GABRG3: variants seen among roughly 807,000 people sequenced by gnomAD.
GABRG3 encodes gamma-aminobutyric acid receptor subunit gamma-3.
A neutral mutation model predicts 48.8 loss-of-function variants in GABRG3; 25 were observed. The observed-to-expected ratio is 0.51, with a 90% CI of 0.37 to 0.72. The LOEUF (loss-of-function observed/expected upper bound fraction) is 0.72, where lower values mean the gene tolerates loss of function less well. Ranked by LOEUF, GABRG3 falls within the 30% of genes least tolerant of loss-of-function variation. The pLI is 0.00. For missense variants in GABRG3, 394 were observed against 577.9 expected, an observed-to-expected ratio of 0.68 and a Z score of 3.26; for synonymous variants, 227 against 217.6, an observed-to-expected ratio of 1.04 and a Z score of -0.38.
rs146974464 is a variant in GABRG3 at position 27,269,612 on chromosome 15, A to C, written c.271-57197A>C. 1.7e-4 allele frequency among the ~76,000 whole-genome samples: 26 copies of C among 152,312 alleles called. No homozygotes were observed. In the East Asian group the frequency reaches 3.9e-3, roughly 23 times the overall value. The stretch of plus-strand genomic sequence containing the variant: ...AATTTTCACACATCTATGTGACTAC[A>C]AGACTCTAAAGCCCTTGAAAGCAAA... On this transcript the variant is annotated intron_variant, in intron 3 of 9. Transcript: ENST00000615808.
intron 6 of GABRG3, among the ~76,000 whole-genome samples, chr15:27,488,562 A>T (rs1375111325): frequency 6.6e-6 from 1 of 152,172 alleles, no homozygotes; most frequent in African/African-American, 2.4e-5. Context: ...GCAGACAGCA[A>T]TCATTGTCTG....
intron 3 of GABRG3, among the ~76,000 whole-genome samples, chr15:27,126,891 C>T (rs1897830905): frequency 6.6e-6 from 1 of 152,120 alleles, no homozygotes. Flanking sequence ...AGGTGGAGGA[C>T]ATGGTGACCC....
chr15:27,241,971 A>G (rs751915298), intron 3 of GABRG3, among the ~76,000 whole-genome samples: 1 of 152,218 alleles, frequency 6.6e-6, no homozygotes, highest in Non-Finnish European at 1.5e-5. Flanking sequence ...TTAACCATAC[A>G]AGTGGTTATT....
chr15:27,300,992 T>C (rs1023635880), intron 3 of GABRG3, among the ~76,000 whole-genome samples: 1 of 151,800 alleles, frequency 6.6e-6, no homozygotes. Context: ...AAACAAAAAC[T>C]TGTAGGATAA....
chr15:27,067,910 A>T (rs1233521923), intron 3 of GABRG3, among the ~76,000 whole-genome samples: 1 of 152,240 alleles, frequency 6.6e-6, no homozygotes, highest in East Asian at 1.9e-4. Flanking sequence ...GGGAAGCTGC[A>T]TCATACTTTG....
At chr15:27,475,782 G>GTGGTGGTGA (rs1267882746) in intron 5 of GABRG3, among the ~76,000 whole-genome samples, 41 of 151,970 alleles carry the variant, frequency 2.7e-4, no homozygotes, top group African/African-American at 8.9e-4. Context: ...AGTAATGGTG[G>GTGGTGGTGA]TGGTGGTGAT....
intron 5 of GABRG3, among the ~76,000 whole-genome samples, chr15:27,445,251 T>C (rs547978330): frequency 2.6e-5 from 4 of 152,348 alleles, no homozygotes; most frequent in African/African-American, 4.8e-5. Flanking sequence ...AGTATCTCCT[T>C]GCTTAATCTC....
intron 5 of GABRG3, among the ~76,000 whole-genome samples, chr15:27,393,711 A>G (rs1401829255): frequency 6.6e-6 from 1 of 152,134 alleles, no homozygotes; most frequent in Admixed American, 6.5e-5. Flanking sequence ...TGAAGCTGCA[A>G]TTCATTCTTG....
chr15:27,225,111 A>G (rs905524531), intron 3 of GABRG3, among the ~76,000 whole-genome samples: 1 of 152,188 alleles, frequency 6.6e-6, no homozygotes, highest in Admixed American at 6.5e-5. Context: ...GTGATTAATC[A>G]TCAAATGATT....
At chr15:26,977,249 T>C in intron 2 of GABRG3, 99 bp downstream of exon 2, 2 of 1,292,718 alleles carry the variant, frequency 1.5e-6, no homozygotes, top group East Asian at 2.3e-5. Context: ...ATTGCAAAGA[T>C]AGTGCAGAAA....
chr15:27,396,413 T>A (rs1464679853), intron 5 of GABRG3, among the ~76,000 whole-genome samples: 3 of 152,170 alleles, frequency 2.0e-5, no homozygotes, highest in Non-Finnish European at 4.4e-5. Context: ...ATGCTCAACA[T>A]AATCATTAGA....
intron 6 of GABRG3, among the ~76,000 whole-genome samples, chr15:27,486,306 C>A (rs1406120915): frequency 1.3e-5 from 2 of 152,066 alleles, no homozygotes; most frequent in Non-Finnish European, 2.9e-5. Context: ...AATAGGCTTC[C>A]CCAGAGACTA....
intron 3 of GABRG3, among the ~76,000 whole-genome samples, chr15:27,050,069 G>A (rs559591769): frequency 3.3e-5 from 5 of 152,252 alleles, no homozygotes; most frequent in African/African-American, 1.2e-4. Context: ...CAGCTTTTTG[G>A]TAGAGGAAGA....
At chr15:27,469,405 A>G (rs1224240855) in intron 5 of GABRG3, among the ~76,000 whole-genome samples, 1 of 152,140 alleles carries the variant, frequency 6.6e-6, no homozygotes, top group Non-Finnish European at 1.5e-5. Flanking sequence ...CAGTGGCACA[A>G]TCTCGGCTCT....
rs1888975221 is a variant in GABRG3, at chr15:27,447,415, G to GA, written c.575-33230dup. ...GGGGAGTCACTGAGGATTTTAGTCA[G>GA]AAAAATTGTATAATTAGGGTTTCTT... is the stretch of plus-strand genomic sequence containing the variant. On this transcript the variant is annotated intron_variant, in intron 5 of 9. Transcript: ENST00000615808. The surrounding 1 kb of genome is among the most constrained non-coding windows in gnomAD (Gnocchi z 4.0). Among the ~76,000 whole-genome samples, 3 of 152,132 alleles carry GA rather than the reference G, an allele frequency of 2.0e-5. No individual in the cohort carries two copies. The highest frequency in any genetic ancestry group is 1.3e-4 in the Admixed American group (2 of 15,276).
chr15:27,218,363 A>G lies in GABRG3; in HGVS notation c.271-108446A>G, dbSNP rs140090674. 9.6e-3 allele frequency among the ~76,000 whole-genome samples: 1,459 copies of G among 152,142 alleles called. 17 individuals carry two copies. The highest frequency in any genetic ancestry group is 0.013 in the Non-Finnish European group (910 of 67,996). ...TAAGAGGGGTTTTATGGCAATCCTC[A>G]TTTCTCAGAATTTTATGCTCTTATT... On this transcript the variant is annotated intron_variant, in intron 3 of 9. Transcript: ENST00000615808.
intron 7 of GABRG3, among the ~76,000 whole-genome samples, chr15:27,526,871 A>C (rs1429565246): frequency 6.6e-6 from 1 of 152,206 alleles, no homozygotes; most frequent in African/African-American, 2.4e-5. Context: ...AAGACCACAC[A>C]ATCTATCTAG....
At chr15:27,157,550 C>T (rs1230189715) in intron 3 of GABRG3, 1 of 152,138 alleles carries the variant, frequency 6.6e-6, no homozygotes, top group African/African-American at 2.4e-5. Flanking sequence ...AGATACTTAC[C>T]CTTGTGCTCA....
At chr15:27,420,876 C>G (rs1888092932) in intron 5 of GABRG3, 1 of 152,128 alleles carries the variant, frequency 6.6e-6, no homozygotes, top group Non-Finnish European at 1.5e-5. Context: ...AAAGAAGAAA[C>G]AGTTCTGTGT....
Sources: gnomAD v4.1 joint callset for allele counts (sites outside exome capture counted in the v4.1 genomes callset) on GRCh38, gnomAD v4.1.1 for gene constraint, Gnocchi (gnomAD v3.1) non-coding constraint, MANE v1.5 for transcripts, NCBI Gene and HGNC (gene_info 2026-07-23, HGNC 2026-07-21) for gene names.